The following C6 variants were observed in gnomAD, a reference collection of about 807,000 sequenced individuals.
C6 encodes the protein complement C6, also known as complement component C6.
A neutral mutation model predicts 112.9 loss-of-function variants in C6; 101 were observed. That is an observed-to-expected ratio of 0.89 (90% CI 0.76 to 1.06). The LOEUF is 1.06. Among genes scored for constraint, C6 ranks in the 50% least tolerant of loss-of-function variants. The probability of loss-of-function intolerance (pLI) is 0.00; values close to 1 mark genes in which losing one functional copy is unlikely to be tolerated. For synonymous variants in C6, 431 were observed against 384.1 expected (o/e 1.12, Z -1.43); for missense variants, 1,202 against 1,104.6 (o/e 1.09, Z -1.25).
intron 1 of C6, among the ~76,000 whole-genome samples, chr5:41,221,534 A>T (rs921592842): frequency 1.3e-5 from 2 of 152,164 alleles, no homozygotes; most frequent in Non-Finnish European, 2.9e-5. Context: ...GTGCTACAGC[A>T]AGTAGATGGC....
At position 41,186,120 on chromosome 5, in the gene C6, T is replaced by C. The variant is rs754228600; in HGVS notation, c.676A>G (p.Thr226Ala). 2 of 1,613,994 alleles carry C rather than the reference T, an allele frequency of 1.2e-6. No individual in the cohort carries two copies. Among genetic ancestry groups the C allele is most frequent in the South Asian group, 2.2e-5 (2 of 91,072 alleles). Residue 226 changes from threonine (T) to alanine (A), a missense_variant, in exon 6 of 18, where the codon ACA becomes GCA. Coordinates refer to ENST00000337836, the MANE Select transcript of C6 (RefSeq NM_000065.5). ...GICKTVKSSR[T>A]SNPYRVPANL... is the part of the protein sequence containing the mutation. ...GCCGGAACACGGTATGGATTACTTGTCCTACTGCTTTTGACAGTTTTACAT... is the reference window on the plus strand; with the variant it reads ...GCCGGAACACGGTATGGATTACTTGCCCTACTGCTTTTGACAGTTTTACAT...
chr5:41,176,246 T>C (rs1467161537), intron 8 of C6, among the ~76,000 whole-genome samples: 1 of 152,210 alleles, frequency 6.6e-6, no homozygotes, highest in Non-Finnish European at 1.5e-5. Flanking sequence ...ATATGATGCC[T>C]AAAATCACAG....
At position 41,154,100 on chromosome 5, in the gene C6, T is replaced by C. The variant is rs1420017542; in HGVS notation, c.2102-102A>G. On this transcript the variant is annotated intron_variant, in intron 14 of 17. Coordinates refer to ENST00000337836, the MANE Select transcript of C6 (RefSeq NM_000065.5). ...AAGAGGTGATTTTGATGAGATTTAC[T>C]GCATCTGTTCAGCTTTGGTGCCTCC... is the stretch of plus-strand genomic sequence containing the variant. 6 of 961,852 alleles carry C rather than the reference T, an allele frequency of 6.2e-6. No homozygotes were observed. In the African/African-American group the frequency reaches 8.1e-5, roughly 13 times the overall value. The allele number at this position is 961,852 out of a possible 1,614,324, so 59.6% of individuals were successfully genotyped here.
rs1373094453 is a variant in C6 at position 41,158,779 on chromosome 5, T to C, written c.1863A>G (p.Gln621=). Residue 621 remains glutamine, a synonymous_variant, in exon 13 of 18, where the codon CAA becomes CAG. Coordinates refer to ENST00000337836, the MANE Select transcript of C6 (RefSeq NM_000065.5). Reference sequence around the variant, plus strand: ...TTTCTTCGTCATCATTGATACATGGTTGTCCACTAAAAGGGAAACATAAAT... The same window carrying C: ...TTTCTTCGTCATCATTGATACATGGCTGTCCACTAAAAGGGAAACATAAAT... The part of the protein sequence containing the change: ...CTFSIMENNG[Q]PCINDDEEMK... 3 of 1,551,310 alleles carry C rather than the reference T, an allele frequency of 1.9e-6. No individual in the cohort carries two copies. In the African/African-American group the frequency reaches 4.1e-5, roughly 21 times the overall value.
rs1355887139 is a variant in C6, at chr5:41,240,908, TCCAAATTGCGTGCTCGGATGA to T, written c.-21+20265_-21+20285del. Among the ~76,000 whole-genome samples the T allele has an allele frequency of 3.9e-5, 6 of 152,302 alleles. No homozygotes were observed. The East Asian group carries it at 1.2e-3, about 29-fold the overall frequency. ...GGCACAGTAGGGAAGTCCTTAGGTCTCCAAATTGCGTGCTCGGATGACCGGCATTATTGGGCTGTTATTAGA... is the reference window on the plus strand; with the variant it reads ...GGCACAGTAGGGAAGTCCTTAGGTCTCCGGCATTATTGGGCTGTTATTAGA... On this transcript the variant is annotated intron_variant, in intron 1 of 17. Coordinates refer to the C6 transcript ENST00000263413.
intron 5 of C6, 147 bp from the exon 6 acceptor site, chr5:41,186,355 T>C: frequency 4.8e-6 from 4 of 838,112 alleles, no homozygotes; most frequent in East Asian, 5.3e-5. Flanking sequence ...CGCTTTTTTT[T>C]CCTAGTCCAT....
chr5:41,192,600 T>C (rs1413761667), intron 5 of C6, among the ~76,000 whole-genome samples: 3 of 151,690 alleles, frequency 2.0e-5, no homozygotes, highest in African/African-American at 4.9e-5. Flanking sequence ...TCAATCTTGG[T>C]AAGTTTTTTT....
At chr5:41,229,051 G>T (rs1385913313) in intron 1 of C6, among the ~76,000 whole-genome samples, 2 of 152,080 alleles carry the variant, frequency 1.3e-5, no homozygotes, top group East Asian at 1.9e-4. Context: ...GGAGACGGAG[G>T]TTGCAGTGAG....
chr5:41,252,425 C>T lies in C6; in HGVS notation c.-21+8769G>A, dbSNP rs576285258. 2.1e-4 allele frequency among the ~76,000 whole-genome samples: 32 copies of T among 152,226 alleles called. No individual in the cohort carries two copies. The South Asian group carries it at 6.6e-3, about 32-fold the overall frequency. ...TTGGAGTTGAGGCAAAACTGACCAG[C>T]ACTAACATTAAAATAGAGACCATAA... is the stretch of plus-strand genomic sequence containing the variant. On this transcript the variant is annotated intron_variant, in intron 1 of 17. Transcript: ENST00000263413.
chr5:41,142,724 G>C lies in C6; in HGVS notation c.*101C>G. 1.1e-6 allele frequency: 1 copy of C among 919,370 alleles called. No individual in the cohort carries two copies. Among genetic ancestry groups the C allele is most frequent in the South Asian group, 1.3e-5 (1 of 76,500 alleles). 57.0% of individuals were successfully genotyped at this position (919,370 alleles called of 1,614,324 possible). On this transcript the variant is annotated 3_prime_UTR_variant, in exon 18 of 18. Coordinates refer to ENST00000337836, the MANE Select transcript of C6 (RefSeq NM_000065.5). ...GAAAATAATTTTTGTCAGTAACTTTGAGCATGCCAGTCTGCTGTTTGTGCA... is the reference window on the plus strand; with the variant it reads ...GAAAATAATTTTTGTCAGTAACTTTCAGCATGCCAGTCTGCTGTTTGTGCA...
intron 1 of C6, among the ~76,000 whole-genome samples, chr5:41,243,745 G>C (rs1740868129): frequency 6.6e-6 from 1 of 152,062 alleles, no homozygotes; most frequent in South Asian, 2.1e-4. Context: ...TAACAGCCTT[G>C]GGGAAACTCT....
chr5:41,164,744 G>A (rs537929090), intron 9 of C6, among the ~76,000 whole-genome samples: 1 of 152,156 alleles, frequency 6.6e-6, no homozygotes, highest in East Asian at 1.9e-4. Flanking sequence ...GTCCATATGT[G>A]ATATTTTCTC....
At chr5:41,197,951 C>A (rs1041644539) in intron 4 of C6, among the ~76,000 whole-genome samples, 3 of 152,110 alleles carry the variant, frequency 2.0e-5, no homozygotes, top group Non-Finnish European at 4.4e-5. Context: ...CACTTGGAAC[C>A]ATGCAATCAT....
chr5:41,148,114 A>G (rs1239722096), intron 17 of C6, among the ~76,000 whole-genome samples: 1 of 152,214 alleles, frequency 6.6e-6, no homozygotes, highest in African/African-American at 2.4e-5. Context: ...GCTATATCTG[A>G]AGGATGTAAT....
At chr5:41,147,375 A>T (rs1745929361) in intron 17 of C6, among the ~76,000 whole-genome samples, 2 of 152,178 alleles carry the variant, frequency 1.3e-5, no homozygotes, top group African/African-American at 4.8e-5. Context: ...CATGGCATGA[A>T]GGTTGAAAAC....
At chr5:41,225,561 A>T (rs1425796821) in intron 1 of C6, among the ~76,000 whole-genome samples, 1 of 152,226 alleles carries the variant, frequency 6.6e-6, no homozygotes, top group African/African-American at 2.4e-5. Context: ...AGCATGATTT[A>T]TAATCCTTTG....
Position 41,158,465 on chromosome 5 carries a change from G to A in C6, c.1968+209C>T, listed in dbSNP as rs112417770. ...CCTTTCCAAGAAACCCAAGCAATCT[G>A]CTATACTTTAGTCTAACAACTGGCT... On this transcript the variant is annotated intron_variant, in intron 13 of 17. Coordinates refer to ENST00000337836, the MANE Select transcript of C6 (RefSeq NM_000065.5). Among the ~76,000 whole-genome samples, 1,309 of 152,210 alleles carry A rather than the reference G, an allele frequency of 8.6e-3. 25 individuals carry two copies. Among genetic ancestry groups the A allele is most frequent in the African/African-American group, 0.03 (1,232 of 41,526 alleles).
intron 9 of C6, among the ~76,000 whole-genome samples, chr5:41,162,590 A>G (rs1244393785): frequency 6.6e-6 from 1 of 152,230 alleles, no homozygotes; most frequent in African/African-American, 2.4e-5. Context: ...TAACAGGGAT[A>G]GAGACTGAGT....
At chr5:41,224,167 C>A in intron 1 of C6, among the ~76,000 whole-genome samples, 1 of 152,148 alleles carries the variant, frequency 6.6e-6, no homozygotes, top group South Asian at 2.1e-4. Context: ...CACATACTTA[C>A]CATTTTGTTT....
Sources: gnomAD v4.1 joint callset for allele counts (sites outside exome capture counted in the v4.1 genomes callset) on GRCh38, gnomAD v4.1.1 for gene constraint, MANE v1.5 for transcripts, NCBI Gene and HGNC (gene_info 2026-07-23, HGNC 2026-07-21) for gene names.